CDK15: variants seen among roughly 807,000 people sequenced by gnomAD.
CDK15 encodes cyclin-dependent kinase 15.
A neutral mutation model predicts 60.3 loss-of-function variants in CDK15; 62 were observed. That is an observed-to-expected ratio of 1.03 (90% CI 0.84 to 1.27). The LOEUF (loss-of-function observed/expected upper bound fraction) is 1.27. CDK15 is among the 50% of genes most tolerant of loss of function. CDK15 has a pLI of 0.00. For synonymous variants in CDK15, 194 were observed against 195.7 expected, an observed-to-expected ratio of 0.99 and a Z score of 0.07; for missense variants, 541 against 527.8, an observed-to-expected ratio of 1.03 and a Z score of -0.25.
rs532928922 is a variant in CDK15, at chr2:201,888,401, C to T, written c.1199-2384C>T. ...CTTGTCCTGCCGACTGTCTAGATGA[C>T]TGAATTTCCCTTCTCAAAAAATTTT... On this transcript the variant is annotated intron_variant, in intron 12 of 13. Coordinates refer to ENST00000652192, the MANE Select transcript of CDK15 (RefSeq NM_001366386.2). The T allele has an allele frequency of 2.4e-4, 370 of 1,527,622 alleles. 7 individuals carry two copies. In the East Asian group the frequency reaches 8.9e-3, roughly 37 times the overall value. The allele number at this position is 1,527,622 out of a possible 1,614,324, so 94.6% of individuals were successfully genotyped here.
chr2:201,849,874 G>C (rs551962675), intron 9 of CDK15, among the ~76,000 whole-genome samples: 4 of 152,166 alleles, frequency 2.6e-5, no homozygotes, highest in African/African-American at 9.6e-5. Flanking sequence ...ACCCAGGCTG[G>C]AGTGCAGTGG....
chr2:201,832,088 C>T (rs2105734930), intron 6 of CDK15, among the ~76,000 whole-genome samples: 2 of 152,018 alleles, frequency 1.3e-5, no homozygotes, highest in East Asian at 3.9e-4. Context: ...CTCTGCCACC[C>T]AGGCTGGAGT....
In CDK15 at chr2:201,882,067, A is replaced by G. The variant is rs1474232646; in HGVS notation, c.1198+1900A>G. Reference sequence around the variant, plus strand: ...GATTAGGAAGAAACAATCACTGTCCAAACTGATGTGTTGTTAGAAACTTGG... The same window carrying G: ...GATTAGGAAGAAACAATCACTGTCCGAACTGATGTGTTGTTAGAAACTTGG... On this transcript the variant is annotated intron_variant, in intron 12 of 13. Transcript: ENST00000652192. This position sits in a 1 kb window ranked among gnomAD's most constrained non-coding sequence, Gnocchi z 4.0. Among the ~76,000 whole-genome samples, 1 of 152,186 alleles carries G rather than the reference A, an allele frequency of 6.6e-6. No individual in the cohort carries two copies. Among genetic ancestry groups the G allele is most frequent in the Non-Finnish European group, 1.5e-5 (1 of 68,028 alleles).
At chr2:201,816,668 G>C (rs1696012294) in intron 4 of CDK15, among the ~76,000 whole-genome samples, 1 of 151,964 alleles carries the variant, frequency 6.6e-6, no homozygotes, top group Non-Finnish European at 1.5e-5. Context: ...TGGAATTGCT[G>C]GGTCAAATGG....
At chr2:201,888,100 T>C (rs1442700309) in intron 12 of CDK15, among the ~76,000 whole-genome samples, 1 of 151,854 alleles carries the variant, frequency 6.6e-6, no homozygotes, top group Admixed American at 6.6e-5. Flanking sequence ...AGAGATTTGA[T>C]TATCTTGTTT....
intron 12 of CDK15, chr2:201,889,385 G>A (rs1277743323): frequency 3.0e-6 from 3 of 985,252 alleles, no homozygotes; most frequent in East Asian, 1.1e-4. Context: ...ATTTTTCTCA[G>A]ATATCTGTGC....
chr2:201,854,377 C>T lies in CDK15; in HGVS notation c.946-497C>T, dbSNP rs75099811. ...TTAGCCAACATTCCATTGCCTGAAG[C>T]TCAGTAATCTGAATCCTTTTTAATT... On this transcript the variant is annotated intron_variant, in intron 9 of 13. Transcript: ENST00000652192. Among the ~76,000 whole-genome samples the T allele has an allele frequency of 5.8e-4, 89 of 152,314 alleles. 1 individual carries two copies. The East Asian group carries it at 0.017, about 28-fold the overall frequency.
At chr2:201,850,921 T>G (rs1697879414) in intron 9 of CDK15, among the ~76,000 whole-genome samples, 1 of 152,190 alleles carries the variant, frequency 6.6e-6, no homozygotes, top group Non-Finnish European at 1.5e-5. Flanking sequence ...GTAGGTCATC[T>G]TTTGAGAAAT....
intron 9 of CDK15, among the ~76,000 whole-genome samples, chr2:201,851,612 A>G (rs1380661105): frequency 2.0e-5 from 3 of 152,200 alleles, no homozygotes; most frequent in Non-Finnish European, 4.4e-5. Context: ...ATAAAGTTTC[A>G]ACATGAATTA....
At chr2:201,844,975 C>A (rs1301880192) in intron 8 of CDK15, among the ~76,000 whole-genome samples, 1 of 152,006 alleles carries the variant, frequency 6.6e-6, no homozygotes, top group African/African-American at 2.4e-5. Flanking sequence ...ATGGTGAAAC[C>A]CTGTCTGTAC....
chr2:201,809,209 G>C lies in CDK15; in HGVS notation c.368+1257G>C, dbSNP rs980682417. Among the ~76,000 whole-genome samples the C allele has an allele frequency of 6.0e-4, 92 of 152,118 alleles. 6 individuals carry two copies. Among genetic ancestry groups the C allele is most frequent in the Admixed American group, 2.0e-4 (3 of 15,286 alleles). On this transcript the variant is annotated intron_variant, in intron 3 of 13. Coordinates refer to ENST00000652192, the MANE Select transcript of CDK15 (RefSeq NM_001366386.2). ...GGTGGCTCGGAACGGGGGCACCCTG[G>C]AACATACTTGGATACATGGGCACCA...
chr2:201,851,912 G>T (rs1697928776), intron 9 of CDK15, among the ~76,000 whole-genome samples: 1 of 152,164 alleles, frequency 6.6e-6, no homozygotes, highest in South Asian at 2.1e-4. Context: ...ACCTGCCTCA[G>T]CCTCCCAAAG....
At chr2:201,847,622 C>A in intron 9 of CDK15, 148 bp downstream of exon 9, 1 of 676,096 alleles carries the variant, frequency 1.5e-6, no homozygotes, top group Non-Finnish European at 2.5e-6. Context: ...TTTGCCACAG[C>A]TATAAGCACC....
chr2:201,885,026 T>C (rs1258303015), intron 12 of CDK15, among the ~76,000 whole-genome samples: 2 of 152,150 alleles, frequency 1.3e-5, no homozygotes, highest in African/African-American at 4.8e-5. Flanking sequence ...TGAAAGATGA[T>C]GGGTCTGGAT....
intron 4 of CDK15, among the ~76,000 whole-genome samples, chr2:201,814,548 T>C (rs1695911826): frequency 6.6e-6 from 1 of 152,174 alleles, no homozygotes; most frequent in African/African-American, 2.4e-5. Flanking sequence ...CACTGTCCCA[T>C]TTTTCCTGTA....
chr2:201,868,236 A>G (rs1698710225), intron 10 of CDK15, among the ~76,000 whole-genome samples: 1 of 152,170 alleles, frequency 6.6e-6, no homozygotes, highest in Admixed American at 6.5e-5. Context: ...AAAAAAAGAG[A>G]CAGAGTGAAG....
In CDK15 at chr2:201,806,682, T is replaced by C. The variant is rs370287917; in HGVS notation, c.18T>C (p.Cys6=). The stretch of plus-strand genomic sequence containing the variant: ...ACAAGATTATGGGTCAAGAGCTGTG[T>C]GCAAAGACTGTACAGCCTGGATGCA... The part of the protein sequence containing the change: MGQEL[C]AKTVQPGCSC... The change falls in exon 1 of 14, where the codon TGT becomes TGC. Residue 6 remains cysteine, a synonymous_variant. Transcript: ENST00000652192. 472 of 1,596,642 alleles carry C rather than the reference T, an allele frequency of 3.0e-4. 1 individual carries two copies. The highest frequency in any genetic ancestry group is 5.0e-4 in the Middle Eastern group (3 of 6,004).
intron 8 of CDK15, among the ~76,000 whole-genome samples, chr2:201,839,202 T>C (rs1282591778): frequency 6.6e-6 from 1 of 152,260 alleles, no homozygotes; most frequent in Non-Finnish European, 1.5e-5. Flanking sequence ...TTTTAATGTC[T>C]ATAGCTTTGC....
At chr2:201,824,805 G>A in intron 6 of CDK15, 1 of 675,836 alleles carries the variant, frequency 1.5e-6, no homozygotes. Context: ...AACACCCTCA[G>A]CCATCTGAAG....
Sources: allele counts gnomAD v4.1 joint callset (sites outside exome capture counted in the v4.1 genomes callset), GRCh38; gene constraint gnomAD v4.1.1; non-coding constraint Gnocchi (gnomAD v3.1); transcripts MANE v1.5; gene names NCBI Gene and HGNC (gene_info 2026-07-23, HGNC 2026-07-21).